BRAF: variants seen among roughly 807,000 people sequenced by gnomAD.
The protein encoded by BRAF is serine/threonine-protein kinase B-raf.
BRAF carries 16 observed loss-of-function variants against 104.6 expected under a neutral mutation model. The ratio of observed to expected loss-of-function variants is 0.15; its 90% CI spans 0.10 to 0.23. BRAF has a LOEUF of 0.23. Ranked by LOEUF, BRAF falls within the 10% of genes least tolerant of loss-of-function variation. The pLI is 1.00. For missense variants in BRAF, 541 were observed against 937.3 expected (o/e 0.58, Z 5.52); for synonymous variants, 310 against 341.6 (o/e 0.91, Z 1.02).
At chr7:140,908,249 T>A (rs1383015658) in intron 1 of BRAF, among the ~76,000 whole-genome samples, 1 of 152,212 alleles carries the variant, frequency 6.6e-6, no homozygotes, top group Non-Finnish European at 1.5e-5. Flanking sequence ...TAGGTATATA[T>A]ACATAAAGAA....
intron 1 of BRAF, among the ~76,000 whole-genome samples, chr7:140,897,918 G>A (rs1164068972): frequency 1.3e-5 from 2 of 152,208 alleles, no homozygotes; most frequent in African/African-American, 4.8e-5. Context: ...GGAAAGGCTA[G>A]GGCAGGAACA....
intron 17 of BRAF, among the ~76,000 whole-genome samples, chr7:140,744,777 A>T (rs1482179619): frequency 6.6e-6 from 1 of 152,208 alleles, no homozygotes; most frequent in Non-Finnish European, 1.5e-5. Flanking sequence ...ATTAAGATAC[A>T]TATTTCCAAT....
At chr7:140,764,946 T>C (rs1176973934) in intron 14 of BRAF, among the ~76,000 whole-genome samples, 1 of 152,116 alleles carries the variant, frequency 6.6e-6, no homozygotes, top group Non-Finnish European at 1.5e-5. Context: ...TGGAAAAAAC[T>C]ACTTTAAAGT....
chr7:140,823,322 C>T (rs1805674975), intron 3 of BRAF, among the ~76,000 whole-genome samples: 1 of 152,106 alleles, frequency 6.6e-6, no homozygotes, highest in South Asian at 2.1e-4. Flanking sequence ...AACTCCCCAG[C>T]ACCCCTTCCC....
intron 14 of BRAF, among the ~76,000 whole-genome samples, chr7:140,771,483 C>A (rs1044272954): frequency 6.6e-6 from 1 of 152,076 alleles, no homozygotes; most frequent in African/African-American, 2.4e-5. Context: ...TGTGAGCCAC[C>A]GTGTCCAGAC....
At chr7:140,915,800 A>T (rs1817563479) in intron 1 of BRAF, among the ~76,000 whole-genome samples, 1 of 152,066 alleles carries the variant, frequency 6.6e-6, no homozygotes, top group Non-Finnish European at 1.5e-5. Context: ...TAATTTTGGA[A>T]CAATAGTTAA....
intron 2 of BRAF, among the ~76,000 whole-genome samples, chr7:140,840,931 T>C (rs1807895723): frequency 6.6e-6 from 1 of 151,760 alleles, no homozygotes; most frequent in South Asian, 2.1e-4. Context: ...CCTAGGCTGA[T>C]CTCGAACTCC....
downstream of BRAF, among the ~76,000 whole-genome samples, chr7:140,715,099 C>T (rs1795106825): frequency 6.6e-6 from 1 of 152,176 alleles, no homozygotes; most frequent in South Asian, 2.1e-4. Flanking sequence ...ATGCAGCGAG[C>T]AGCCTCTGGC....
Position 140,781,700 on chromosome 7 carries a change from A to G in BRAF, c.1435-7T>C. The G allele has an allele frequency of 6.2e-7, 1 of 1,610,656 alleles. No homozygotes were observed. Among genetic ancestry groups the G allele is most frequent in the Non-Finnish European group, 8.5e-7 (1 of 1,176,974 alleles). On this transcript the variant is annotated splice_polypyrimidine_tract_variant and splice_region_variant and intron_variant, in intron 11 of 19. Transcript: ENST00000644969. ...CCCGTCTACCAAGTGTTTTCTTGAT[A>G]AAAACAGTAAAAAAGTCAAGTCAAG...
chr7:140,722,992 T>A lies in BRAF; in HGVS notation c.*3502A>T, dbSNP rs1795391826. ...CTCAAATACAAGTACACAAAAAAGT[T>A]AAAATCTTAAATCATCGTCATGTTC... On this transcript the variant is annotated 3_prime_UTR_variant, in exon 20 of 20. Transcript: ENST00000644969. The A allele has an allele frequency of 9.5e-7, 1 of 1,053,636 alleles. No homozygotes were observed. Among genetic ancestry groups the A allele is most frequent in the African/African-American group, 1.7e-5 (1 of 60,410 alleles). 65.3% of individuals were successfully genotyped at this position (1,053,636 alleles called of 1,614,324 possible).
At chr7:140,855,453 A>G (rs1809668312) in intron 1 of BRAF, among the ~76,000 whole-genome samples, 1 of 152,028 alleles carries the variant, frequency 6.6e-6, no homozygotes, top group Non-Finnish European at 1.5e-5. Context: ...TTCTCCAAAA[A>G]AAAGACTGAG....
At chr7:140,807,527 A>G (rs1803783977) in intron 5 of BRAF, among the ~76,000 whole-genome samples, 1 of 151,958 alleles carries the variant, frequency 6.6e-6, no homozygotes, top group Admixed American at 6.6e-5. Flanking sequence ...TGATTTAAGA[A>G]AGGGAAAAGA....
At chr7:140,838,307 G>T (rs1807566820) in intron 2 of BRAF, among the ~76,000 whole-genome samples, 1 of 151,976 alleles carries the variant, frequency 6.6e-6, no homozygotes, top group Non-Finnish European at 1.5e-5. Context: ...AAATAATTTT[G>T]TGAGGATTAA....
intron 1 of BRAF, among the ~76,000 whole-genome samples, chr7:140,853,570 G>C (rs567729069): frequency 6.6e-6 from 1 of 152,208 alleles, no homozygotes; most frequent in Admixed American, 6.5e-5. Flanking sequence ...CCCAGTGCAG[G>C]ACTTGTGAAT....
chr7:140,877,433 T>C (rs1812397975), intron 1 of BRAF, among the ~76,000 whole-genome samples: 1 of 151,972 alleles, frequency 6.6e-6, no homozygotes, highest in Non-Finnish European at 1.5e-5. Flanking sequence ...GATACTATTA[T>C]ATCAGCAAAG....
At chr7:140,892,047 G>A (rs1286205429) in intron 1 of BRAF, among the ~76,000 whole-genome samples, 2 of 152,274 alleles carry the variant, frequency 1.3e-5, no homozygotes, top group East Asian at 3.9e-4. Flanking sequence ...TTTGAGGTCA[G>A]GAGTTCAAGA....
intron 1 of BRAF, among the ~76,000 whole-genome samples, chr7:140,872,245 T>TAAATAAATA (rs1219233574): frequency 0.094 from 12,011 of 127,356 alleles, 526 homozygotes; most frequent in African/African-American, 0.21. Flanking sequence ...ATAAATAAAT[T>TAAATAAATA]GCACAGAACA....
chr7:140,783,316 T>C (rs1470462221), intron 10 of BRAF, 159 bp from the exon 10 acceptor site: 1 of 798,258 alleles, frequency 1.3e-6, no homozygotes, highest in Admixed American at 2.9e-5. Flanking sequence ...GGGCCTCATT[T>C]GGTGATTACA....
rs878890801 is a variant in BRAF at position 140,794,526 on chromosome 7, A to G, written c.981-59T>C. On this transcript the variant is annotated intron_variant, in intron 7 of 19. Transcript: ENST00000644969. ...AGAGTAACGATATAAAGGTAATAAT[A>G]TTTAAAAAGGAAGATAAAAGGATTT... is the stretch of plus-strand genomic sequence containing the variant. 5 of 1,552,124 alleles carry G rather than the reference A, an allele frequency of 3.2e-6. No individual in the cohort carries two copies. The South Asian group carries it at 5.7e-5, about 18-fold the overall frequency.
Sources: gnomAD v4.1 joint callset for allele counts (sites outside exome capture counted in the v4.1 genomes callset) on GRCh38, gnomAD v4.1.1 for gene constraint, MANE v1.5 for transcripts, NCBI Gene and HGNC (gene_info 2026-07-23, HGNC 2026-07-21) for gene names.